Variants in ADNP observed in about 807,000 individuals in gnomAD.
The protein encoded by ADNP is activity-dependent neuroprotector homeobox protein.
ADNP carries 4 observed loss-of-function variants against 84.9 expected under a neutral mutation model. The observed-to-expected ratio is 0.05, with a 90% CI of 0.02 to 0.11. ADNP has a LOEUF of 0.11. Ranked by LOEUF, ADNP falls within the 10% of genes least tolerant of loss-of-function variation. ADNP has a pLI of 1.00. For synonymous variants in ADNP, 554 were observed against 468.1 expected, an observed-to-expected ratio of 1.18 and a Z score of -2.37; for missense variants, 1,132 against 1,326.0, an observed-to-expected ratio of 0.85 and a Z score of 2.27.
chr20:50,930,931 G>A lies in ADNP; in HGVS notation c.-370C>T, dbSNP rs1984702029. 1 of 145,328 alleles carries A rather than the reference G, an allele frequency of 6.9e-6. No individual in the cohort carries two copies. The highest frequency in any genetic ancestry group is 1.5e-5 in the Non-Finnish European group (1 of 65,220). The allele number at this position is 145,328 out of a possible 1,614,324, so 9.0% of individuals were successfully genotyped here. ...GGCACGGCGGTGGCGGCAGCGGGGA[G>A]GGCGCGCCCGGGGCCTCGTCGCGCT... On this transcript the variant is annotated 5_prime_UTR_variant, in exon 1 of 6. Transcript: ENST00000621696.
intron 2 of ADNP, among the ~76,000 whole-genome samples, chr20:50,915,406 T>C (rs932823114): frequency 1.3e-5 from 2 of 152,232 alleles, no homozygotes; most frequent in African/African-American, 4.8e-5. Flanking sequence ...CAAAAAGGTT[T>C]ATATATTTGC....
chr20:50,913,575 T>C (rs1983258981), intron 2 of ADNP, among the ~76,000 whole-genome samples: 1 of 152,206 alleles, frequency 6.6e-6, no homozygotes, highest in African/African-American at 2.4e-5. Context: ...CATTTGACTC[T>C]CATGAACAGA....
chr20:50,924,790 G>A (rs953461702), intron 2 of ADNP, among the ~76,000 whole-genome samples: 1 of 152,194 alleles, frequency 6.6e-6, no homozygotes, highest in Non-Finnish European at 1.5e-5. Flanking sequence ...ACTGAAGAGG[G>A]TATTAGGATA....
chr20:50,891,812 C>T lies in ADNP; in HGVS notation c.2902G>A (p.Gly968Ser), dbSNP rs6096164. ...DQDDVVEWKDGASPSESGPGS... is the reference protein window; with the variant it reads ...DQDDVVEWKDSASPSESGPGS... ...GGCCCACTCTCAGATGGAGAAGCAC[C>T]GTCTTTCCACTCAACAACATCGTCT... Residue 968 changes from glycine (G) to serine (S), a missense_variant, in exon 6 of 6, where the codon GGT (glycine) becomes AGT (serine). Around this residue, in one of 10 missense-constraint regions of ADNP, gnomAD observed 381 missense variants for 319.9 expected, o/e 1.19. Transcript: ENST00000621696. 9.3e-6 allele frequency: 15 copies of T among 1,614,118 alleles called. No individual in the cohort carries two copies. Among genetic ancestry groups the T allele is most frequent in the Middle Eastern group, 1.6e-4 (1 of 6,062 alleles).
chr20:50,893,659 C>T lies in ADNP; in HGVS notation c.1055G>A (p.Gly352Asp). ...AGGAATGGAAACTGGTGCGTTGCCA[C>T]CTAGACCCAGTCTCATTGACTGACC... The part of the protein sequence containing the change: ...SVGQSMRLGL[G>D]GNAPVSIPQQ... The change falls in exon 6 of 6, where the codon GGT (glycine) becomes GAT (aspartate). Residue 352 changes from glycine (G) to aspartate (D), a missense_variant. By Grantham distance (94) the Gly-to-Asp change is moderately conservative. Transcript: ENST00000621696. This position sits in a 1 kb window ranked among gnomAD's most constrained non-coding sequence, Gnocchi z 4.4. 6.2e-7 allele frequency: 1 copy of T among 1,614,144 alleles called. No individual in the cohort carries two copies. The highest frequency in any genetic ancestry group is 8.5e-7 in the Non-Finnish European group (1 of 1,180,034).
intron 2 of ADNP, among the ~76,000 whole-genome samples, chr20:50,912,988 A>G (rs1349009558): frequency 6.6e-6 from 1 of 152,240 alleles, no homozygotes; most frequent in Non-Finnish European, 1.5e-5. Flanking sequence ...GCCATGGCTC[A>G]TGTCTGTAAT....
intron 2 of ADNP, among the ~76,000 whole-genome samples, chr20:50,926,794 T>C (rs1984319877): frequency 6.6e-6 from 1 of 152,304 alleles, no homozygotes; most frequent in African/African-American, 2.4e-5. Context: ...AGAAGAAACA[T>C]AAATGCTGAA....
chr20:50,928,424 G>C (rs1221683412), intron 2 of ADNP, among the ~76,000 whole-genome samples: 1 of 152,164 alleles, frequency 6.6e-6, no homozygotes, highest in Non-Finnish European at 1.5e-5. Context: ...GAATGCAAAT[G>C]ATTACAATAT....
rs2122758058 is a variant in ADNP at position 50,893,705 on chromosome 20, C to T, written c.1009G>A (p.Val337Ile). The T allele has an allele frequency of 6.2e-7, 1 of 1,614,132 alleles. No homozygotes were observed. The highest frequency in any genetic ancestry group is 8.5e-7 in the Non-Finnish European group (1 of 1,180,042). ...LQQNNYGVKS[V>I]GQGYSVGQSM... ...TGACCAACACTGTAACCCTGGCCTA[C>T]AGATTTGACTCCATAGTTGTTCTGC... Residue 337 changes from valine to isoleucine, a missense_variant, in exon 6 of 6, where the codon GTA becomes ATA. This residue lies in a region of ADNP where 239 missense variants were observed against 213.2 expected (regional missense o/e 1.12). Coordinates refer to ENST00000621696, the MANE Select transcript of ADNP (RefSeq NM_001282531.3). The surrounding 1 kb of genome is among the most constrained non-coding windows in gnomAD (Gnocchi z 4.4).
intron 4 of ADNP, among the ~76,000 whole-genome samples, chr20:50,903,326 T>C (rs1381351423): frequency 6.6e-6 from 1 of 152,120 alleles, no homozygotes; most frequent in Non-Finnish European, 1.5e-5. Context: ...AAACAGTTCA[T>C]AAAGCCCAAA....
intron 2 of ADNP, among the ~76,000 whole-genome samples, chr20:50,908,113 T>C (rs1982664082): frequency 6.6e-6 from 1 of 150,670 alleles, no homozygotes; most frequent in Non-Finnish European, 1.5e-5. Flanking sequence ...TCATATACAC[T>C]GGCACCTTCA....
chr20:50,907,128 A>G (rs149575736), intron 2 of ADNP, among the ~76,000 whole-genome samples: 13,848 of 148,270 alleles, frequency 0.093, 683 homozygotes, highest in Middle Eastern at 0.15. Context: ...CACCATGCCC[A>G]GCTAATTTTT....
At chr20:50,901,877 A>C in intron 5 of ADNP, 140 bp downstream of exon 5, 1 of 757,788 alleles carries the variant, frequency 1.3e-6, no homozygotes. Context: ...CCCACTGGTC[A>C]GGAAAATATG....
chr20:50,895,701 C>T (rs115057935), intron 5 of ADNP, among the ~76,000 whole-genome samples: 31 of 152,282 alleles, frequency 2.0e-4, no homozygotes, highest in African/African-American at 6.0e-4. Context: ...TGCCACCACA[C>T]TAGGGTAAAT....
Position 50,894,195 on chromosome 20 carries a change from T to C in ADNP, c.519A>G (p.Arg173=). The change falls in exon 6 of 6, where the codon CGA becomes CGG. Residue 173 remains arginine (R), a synonymous_variant. Coordinates refer to ENST00000621696, the MANE Select transcript of ADNP (RefSeq NM_001282531.3). ...AVYYCKKCTY[R]DPLYEIVRKH... ...TCCTAACTATTTCATAAAGAGGATC[T>C]CGGTAAGTGCACTTCTTACAGTAAT... The C allele has an allele frequency of 6.2e-7, 1 of 1,614,190 alleles. No individual in the cohort carries two copies. Among genetic ancestry groups the C allele is most frequent in the South Asian group, 1.1e-5 (1 of 91,088 alleles).
intron 2 of ADNP, among the ~76,000 whole-genome samples, chr20:50,920,249 G>A (rs1161208842): frequency 9.8e-5 from 11 of 112,772 alleles, no homozygotes; most frequent in African/African-American, 1.8e-4. Flanking sequence ...GCAACAGAGC[G>A]AGATTCCACC....
At chr20:50,925,265 C>A (rs1020914804) in intron 2 of ADNP, among the ~76,000 whole-genome samples, 39 of 107,958 alleles carry the variant, frequency 3.6e-4, no homozygotes, top group Middle Eastern at 4.3e-3. Flanking sequence ...ACTTCCTATA[C>A]ACACACACAC....
chr20:50,919,116 T>C (rs1462879361), intron 2 of ADNP, among the ~76,000 whole-genome samples: 2 of 151,982 alleles, frequency 1.3e-5, no homozygotes, highest in African/African-American at 4.8e-5. Context: ...TTCAGCACGT[T>C]CATTTTCCTG....
rs909044096 is a variant in ADNP at position 50,893,118 on chromosome 20, C to A, written c.1596G>T (p.Arg532=). ...CCATCTCTTCATCAATGTGAACCAT[C>A]CGCATGTGTGCGGCCATCTTTTCCA... is the stretch of plus-strand genomic sequence containing the variant. The part of the protein sequence containing the change: ...NDVEKMAAHM[R]MVHIDEEMGP... The change falls in exon 6 of 6, where the codon CGG becomes CGT. Residue 532 remains arginine, a synonymous_variant. Transcript: ENST00000621696. This position sits in a 1 kb window ranked among gnomAD's most constrained non-coding sequence, Gnocchi z 4.4. The A allele has an allele frequency of 1.7e-5, 27 of 1,614,142 alleles. No individual in the cohort carries two copies. Among genetic ancestry groups the A allele is most frequent in the Non-Finnish European group, 2.2e-5 (26 of 1,180,058 alleles).
Sources: allele counts gnomAD v4.1 joint callset (sites outside exome capture counted in the v4.1 genomes callset), GRCh38; gene constraint gnomAD v4.1.1; regional missense constraint gnomAD v4.1.1; non-coding constraint Gnocchi (gnomAD v3.1); transcripts MANE v1.5; gene names NCBI Gene and HGNC (gene_info 2026-07-23, HGNC 2026-07-21).